Variants in ASXL1 observed in about 807,000 individuals in gnomAD.
ASXL1 encodes the protein polycomb group protein ASXL1.
In ASXL1, 65 loss-of-function variants were observed where a neutral mutation model predicts 89.1. The observed-to-expected ratio is 0.73, with a 90% CI of 0.60 to 0.90. The LOEUF (loss-of-function observed/expected upper bound fraction) is 0.90, where lower values mean the gene tolerates loss of function less well. Among genes scored for constraint, ASXL1 ranks in the 40% least tolerant of loss-of-function variants. The pLI is 0.00. For missense variants in ASXL1, 1,786 were observed against 1,942.9 expected, an observed-to-expected ratio of 0.92 and a Z score of 1.52; for synonymous variants, 739 against 746.9, an observed-to-expected ratio of 0.99 and a Z score of 0.17.
chr20:32,436,827 CTT>C lies in ASXL1; in HGVS notation c.4118_4119del (p.Phe1373CysfsTer6). 6.2e-7 allele frequency: 1 copy of C among 1,614,188 alleles called. No individual in the cohort carries two copies. On this transcript the variant is annotated frameshift_variant, in exon 13 of 13. Coordinates refer to ENST00000375687, the MANE Select transcript of ASXL1 (RefSeq NM_015338.6). LOFTEE classifies it high-confidence loss of function. ...GTTGGCAGCGTCAAGAATGAGAAGACTTTTGTGGGGGGTCCTCTTAAGGCAAA... is the reference window on the plus strand; with the variant it reads ...GTTGGCAGCGTCAAGAATGAGAAGACTTGTGGGGGGTCCTCTTAAGGCAAA...
intron 4 of ASXL1, among the ~76,000 whole-genome samples, chr20:32,369,760 ACT>A (rs1435556567): frequency 9.1e-6 from 1 of 110,036 alleles, no homozygotes; most frequent in Non-Finnish European, 1.7e-5. Flanking sequence ...ATGGAGTCTC[ACT>A]CTGTTGCCCA....
chr20:32,434,599 TCA>T lies in ASXL1; in HGVS notation c.1889_1890del (p.His630ProfsTer4). On this transcript the variant is annotated frameshift_variant, in exon 13 of 13. Coordinates refer to ENST00000375687, the MANE Select transcript of ASXL1 (RefSeq NM_015338.6). LOFTEE classifies it low-confidence loss of function (END_TRUNC). Reference protein sequence around the residue: ...RALQVRGARGHHCHREAATTA... With the variant: ...RALQVRGARGXHCHREAATTA... ...CTCTGCAGGTCCGAGGGGCGAGAGGTCACCACTGCCATAGAGAGGCGGCCACC... is the reference window on the plus strand; with the variant it reads ...CTCTGCAGGTCCGAGGGGCGAGAGGTCCACTGCCATAGAGAGGCGGCCACC... The T allele has an allele frequency of 6.2e-7, 1 of 1,611,578 alleles. No individual in the cohort carries two copies.
At position 32,438,563 on chromosome 20, in the gene ASXL1, G is replaced by A; in HGVS notation, c.*1225G>A. Reference sequence around the variant, plus strand: ...AGAGCCACAGTCAGCCTGCCCACATGCCACCGAGCAAACGCATCTTGCTTT... The same window carrying A: ...AGAGCCACAGTCAGCCTGCCCACATACCACCGAGCAAACGCATCTTGCTTT... On this transcript the variant is annotated 3_prime_UTR_variant, in exon 13 of 13. Transcript: ENST00000375687. 2 of 233,632 alleles carry A rather than the reference G, an allele frequency of 8.6e-6. No individual in the cohort carries two copies. The highest frequency in any genetic ancestry group is 8.5e-6 in the Non-Finnish European group (1 of 118,040). 14.5% of individuals were successfully genotyped at this position (233,632 alleles called of 1,614,324 possible).
intron 4 of ASXL1, among the ~76,000 whole-genome samples, chr20:32,402,339 G>A (rs2123060685): frequency 6.6e-6 from 1 of 152,334 alleles, no homozygotes; most frequent in East Asian, 1.9e-4. Context: ...AGAGGCATGT[G>A]CCACTGTGCC....
At position 32,433,861 on chromosome 20, in the gene ASXL1, G is replaced by A. The variant is rs1425563487; in HGVS notation, c.1663G>A (p.Val555Ile). Reference protein sequence around the residue: ...RQSFRNTIESVHTEKPQPTKE... With the variant: ...RQSFRNTIESIHTEKPQPTKE... ...GTCCTTTCGTAACACAATTGAAAGTGTTCACACCGAAAAGCCACAGCCCAC... is the reference window on the plus strand; with the variant it reads ...GTCCTTTCGTAACACAATTGAAAGTATTCACACCGAAAAGCCACAGCCCAC... Residue 555 changes from valine to isoleucine, a missense_variant, in exon 12 of 13, where the codon GTT becomes ATT. Transcript: ENST00000375687. 2.5e-6 allele frequency: 4 copies of A among 1,613,822 alleles called. No homozygotes were observed. Among genetic ancestry groups the A allele is most frequent in the African/African-American group, 1.3e-5 (1 of 74,938 alleles).
Position 32,376,261 on chromosome 20 carries a change from A to T in ASXL1, c.252+7138A>T, listed in dbSNP as rs549889666. Among the ~76,000 whole-genome samples, 213 of 148,098 alleles carry T rather than the reference A, an allele frequency of 1.4e-3. 5 individuals carry two copies. In the South Asian group the frequency reaches 0.038, roughly 26 times the overall value. ...TTTTTATTTTATTTTATTTTATTTTAATTTTATTTTGTGTTGTGTTGTGTT... is the reference window on the plus strand; with the variant it reads ...TTTTTATTTTATTTTATTTTATTTTTATTTTATTTTGTGTTGTGTTGTGTT... On this transcript the variant is annotated intron_variant, in intron 4 of 12. Transcript: ENST00000375687.
intron 4 of ASXL1, among the ~76,000 whole-genome samples, chr20:32,420,280 AT>A (rs1046367790): frequency 1.6e-4 from 24 of 151,456 alleles, no homozygotes; most frequent in Admixed American, 1.4e-3. Flanking sequence ...GATAGTACTT[AT>A]TTTTTGCTCA....
In ASXL1 at chr20:32,428,303, C is replaced by G. The variant is rs369653508; in HGVS notation, c.374-22C>G. On this transcript the variant is annotated intron_variant, in intron 5 of 12. Transcript: ENST00000375687. ...AGCCACAGCAGGCACTAGGGACTAACCTTTATTTTCCTCTCTTCCAGTATC... is the reference window on the plus strand; with the variant it reads ...AGCCACAGCAGGCACTAGGGACTAAGCTTTATTTTCCTCTCTTCCAGTATC... 2.5e-6 allele frequency: 4 copies of G among 1,614,188 alleles called. No homozygotes were observed. The Admixed American group carries it at 5.0e-5, about 20-fold the overall frequency.
intron 4 of ASXL1, among the ~76,000 whole-genome samples, chr20:32,426,567 T>G (rs1316682706): frequency 7.9e-6 from 1 of 127,144 alleles, no homozygotes; most frequent in Admixed American, 8.0e-5. Context: ...TTTTTTTTTT[T>G]TTTTTTTTTT....
At chr20:32,371,584 G>C (rs1392743278) in intron 4 of ASXL1, among the ~76,000 whole-genome samples, 1 of 151,990 alleles carries the variant, frequency 6.6e-6, no homozygotes, top group African/African-American at 2.4e-5. Context: ...ACTGCACCTG[G>C]CCTATTATTT....
chr20:32,420,629 C>G (rs2049226346), intron 4 of ASXL1, among the ~76,000 whole-genome samples: 1 of 152,134 alleles, frequency 6.6e-6, no homozygotes, highest in African/African-American at 2.4e-5. Context: ...TACTGTTTTA[C>G]TCTTGCAAAA....
At position 32,436,664 on chromosome 20, in the gene ASXL1, A is replaced by T. The variant is rs373632896; in HGVS notation, c.3952A>T (p.Arg1318Trp). 6.2e-7 allele frequency: 1 copy of T among 1,614,012 alleles called. No homozygotes were observed. Among genetic ancestry groups the T allele is most frequent in the African/African-American group, 1.3e-5 (1 of 75,052 alleles). Reference protein sequence around the residue: ...GNVAATLQRPRPADPMPLPAE... With the variant: ...GNVAATLQRPWPADPMPLPAE... ...TGTGGCTGCAACCCTTCAGCGCCCC[A>T]GGCCTGCGGACCCGATGCCTCTTCC... Residue 1318 changes from arginine (R) to tryptophan (W), a missense_variant, in exon 13 of 13, where the codon AGG becomes TGG. This residue lies in a region of ASXL1 where 1,418 missense variants were observed against 1,427.8 expected (regional missense o/e 0.99). Transcript: ENST00000375687.
intron 1 of ASXL1, among the ~76,000 whole-genome samples, chr20:32,361,675 G>A (rs2122775229): frequency 6.6e-6 from 1 of 151,822 alleles, no homozygotes; most frequent in African/African-American, 2.4e-5. Context: ...GACTTGTTGA[G>A]AATGTGATAT....
intron 4 of ASXL1, among the ~76,000 whole-genome samples, chr20:32,422,171 G>A (rs577315472): frequency 2.5e-4 from 37 of 149,844 alleles, no homozygotes; most frequent in Admixed American, 2.0e-3. Context: ...GAGCCACCGC[G>A]CCCGGCCGAG....
chr20:32,431,204 A>G, intron 8 of ASXL1, 117 bp from the exon 9 acceptor site: 1 of 1,221,672 alleles, frequency 8.2e-7, no homozygotes, highest in Non-Finnish European at 1.2e-6. Flanking sequence ...AATTGAGCAG[A>G]TTGTGTGCAG....
chr20:32,392,122 T>G (rs929814930), intron 4 of ASXL1, among the ~76,000 whole-genome samples: 1 of 152,034 alleles, frequency 6.6e-6, no homozygotes, highest in Non-Finnish European at 1.5e-5. Flanking sequence ...TTGTTATTTA[T>G]TTATTTTTAG....
Position 32,367,604 on chromosome 20 carries a change from T to A in ASXL1, c.141-123T>A, listed in dbSNP as rs943131066. The A allele has an allele frequency of 1.5e-4, 112 of 734,402 alleles. No homozygotes were observed. The South Asian group carries it at 1.6e-3, about 10-fold the overall frequency. The allele number at this position is 734,402 out of a possible 1,614,324, so 45.5% of individuals were successfully genotyped here. A position where few individuals can be genotyped will look rare whatever the true frequency, so the allele number is the denominator to read the frequency against. ...GGAGGGAAGATTGAGATTGTCTACATCACATTTATTTGACTTGTACTTATC... is the reference window on the plus strand; with the variant it reads ...GGAGGGAAGATTGAGATTGTCTACAACACATTTATTTGACTTGTACTTATC... On this transcript the variant is annotated intron_variant, in intron 2 of 12. Transcript: ENST00000375687.
At position 32,435,632 on chromosome 20, in the gene ASXL1, T is replaced by C. The variant is rs747287523; in HGVS notation, c.2920T>C (p.Tyr974His). 2 of 1,614,186 alleles carry C rather than the reference T, an allele frequency of 1.2e-6. No individual in the cohort carries two copies. Among genetic ancestry groups the C allele is most frequent in the East Asian group, 2.2e-5 (1 of 44,880 alleles). ...AGGAGGCAGTGACAGCAATGGCAGT[T>C]ACTGTCAACAGGTGGACATTGAAAA... Reference protein sequence around the residue: ...SRGGSDSNGSYCQQVDIEKLK... With the variant: ...SRGGSDSNGSHCQQVDIEKLK... Residue 974 changes from tyrosine (Y) to histidine (H), a missense_variant, in exon 13 of 13, where the codon TAC becomes CAC. Around this residue, in one of 3 missense-constraint regions of ASXL1, gnomAD observed 1,418 missense variants for 1,427.8 expected, o/e 0.99. Coordinates refer to ENST00000375687, the MANE Select transcript of ASXL1 (RefSeq NM_015338.6).
At chr20:32,380,014 G>T (rs1021280047) in intron 4 of ASXL1, among the ~76,000 whole-genome samples, 1 of 151,902 alleles carries the variant, frequency 6.6e-6, no homozygotes, top group Non-Finnish European at 1.5e-5. Context: ...GGGCATGGTG[G>T]CTCACCCCTG....
Sources: gnomAD v4.1 joint callset for allele counts (sites outside exome capture counted in the v4.1 genomes callset) on GRCh38, gnomAD v4.1.1 for gene constraint, gnomAD v4.1.1 regional missense constraint, MANE v1.5 for transcripts, NCBI Gene and HGNC (gene_info 2026-07-23, HGNC 2026-07-21) for gene names.